Variants in PPFIA2 observed in about 807,000 individuals in gnomAD.
The protein encoded by PPFIA2 is PPFI scaffold protein A2, also known as liprin-alpha-2.
In PPFIA2, 46 loss-of-function variants were observed where a neutral mutation model predicts 175.5. The ratio of observed to expected loss-of-function variants is 0.26; its 90% CI spans 0.21 to 0.34. The LOEUF (loss-of-function observed/expected upper bound fraction) is 0.34. PPFIA2 is among the 10% of genes least tolerant of loss of function. The pLI is 1.00. For synonymous variants in PPFIA2, 568 were observed against 511.4 expected, an observed-to-expected ratio of 1.11 and a Z score of -1.49; for missense variants, 1,179 against 1,506.1, an observed-to-expected ratio of 0.78 and a Z score of 3.60.
At chr12:81,650,337 G>T (rs1280331070) in intron 4 of PPFIA2, among the ~76,000 whole-genome samples, 1 of 151,794 alleles carries the variant, frequency 6.6e-6, no homozygotes, top group African/African-American at 2.4e-5. Context: ...AATGTGGATT[G>T]TACTCTTTCT....
At chr12:81,269,411 T>C (rs2038401721) in intron 28 of PPFIA2, among the ~76,000 whole-genome samples, 1 of 152,236 alleles carries the variant, frequency 6.6e-6, no homozygotes, top group African/African-American at 2.4e-5. Flanking sequence ...TAAAAATCTT[T>C]CAGGAAATAT....
At chr12:81,573,781 G>A (rs944458630) in intron 4 of PPFIA2, among the ~76,000 whole-genome samples, 4 of 151,794 alleles carry the variant, frequency 2.6e-5, no homozygotes, top group Admixed American at 2.0e-4. Context: ...GTTAATCCTA[G>A]TCCTCAATGA....
intron 21 of PPFIA2, among the ~76,000 whole-genome samples, chr12:81,330,911 T>C (rs956687151): frequency 6.6e-5 from 10 of 152,238 alleles, no homozygotes; most frequent in African/African-American, 2.4e-4. Context: ...AAAGGGTATG[T>C]AACAAATACA....
chr12:81,642,393 C>T (rs963141493), intron 4 of PPFIA2, among the ~76,000 whole-genome samples: 2 of 151,346 alleles, frequency 1.3e-5, no homozygotes, highest in Non-Finnish European at 3.0e-5. Flanking sequence ...TATCACCCTC[C>T]TATGTTCCTA....
At position 81,705,521 on chromosome 12, in the gene PPFIA2, A is replaced by G. The variant is rs1229794568; in HGVS notation, c.250-28677T>C. ...TACAGTACCTACTCACAGAGTGTCC[A>G]TAGTCCAGTTGGAGGGAGAAGGAAG... On this transcript the variant is annotated intron_variant, in intron 3 of 32. Coordinates refer to ENST00000549396, the MANE Select transcript of PPFIA2 (RefSeq NM_003625.5). Among the ~76,000 whole-genome samples, 4 of 152,018 alleles carry G rather than the reference A, an allele frequency of 2.6e-5. No individual in the cohort carries two copies. In the East Asian group the frequency reaches 5.8e-4, roughly 22 times the overall value.
intron 3 of PPFIA2, among the ~76,000 whole-genome samples, chr12:81,727,162 T>A (rs1264590442): frequency 6.6e-6 from 1 of 151,368 alleles, no homozygotes; most frequent in Non-Finnish European, 1.5e-5. Flanking sequence ...TCTGGGTTCC[T>A]TCCATACATT....
chr12:81,359,993 C>T (rs1347048299), intron 15 of PPFIA2, among the ~76,000 whole-genome samples: 3 of 151,836 alleles, frequency 2.0e-5, no homozygotes, highest in Admixed American at 2.0e-4. Flanking sequence ...ACTTTCTTTT[C>T]ATTTCTTTGA....
chr12:81,645,373 T>A (rs556840611), intron 4 of PPFIA2, among the ~76,000 whole-genome samples: 2 of 152,274 alleles, frequency 1.3e-5, no homozygotes, highest in East Asian at 3.9e-4. Flanking sequence ...CAACTTAATG[T>A]TCAATATTTT....
chr12:81,599,606 T>C (rs574928835), intron 4 of PPFIA2, among the ~76,000 whole-genome samples: 2 of 152,130 alleles, frequency 1.3e-5, no homozygotes, highest in East Asian at 1.9e-4. Context: ...ACATTAACTA[T>C]GGGACACTTG....
chr12:81,418,414 A>C (rs1472565020), intron 7 of PPFIA2, among the ~76,000 whole-genome samples: 1 of 151,952 alleles, frequency 6.6e-6, no homozygotes, highest in African/African-American at 2.4e-5. Context: ...TGTTTTTGTC[A>C]GACCTGCAAG....
intron 4 of PPFIA2, among the ~76,000 whole-genome samples, chr12:81,660,677 A>C (rs1052072707): frequency 1.3e-5 from 2 of 152,128 alleles, no homozygotes; most frequent in African/African-American, 4.8e-5. Flanking sequence ...CCAACATTCA[A>C]ATTCAGGAAA....
chr12:81,410,025 T>C (rs1348822017), intron 7 of PPFIA2, among the ~76,000 whole-genome samples: 1 of 152,044 alleles, frequency 6.6e-6, no homozygotes, highest in Middle Eastern at 3.2e-3. Context: ...TTAGTACCAA[T>C]ATAAAAGGCC....
chr12:81,585,236 A>T (rs1303598573), intron 4 of PPFIA2, among the ~76,000 whole-genome samples: 2 of 150,158 alleles, frequency 1.3e-5, no homozygotes, highest in East Asian at 3.9e-4. Flanking sequence ...AAGGCCTAGG[A>T]CATTACTGTA....
At chr12:81,326,964 C>T (rs920815927) in intron 21 of PPFIA2, among the ~76,000 whole-genome samples, 1 of 152,048 alleles carries the variant, frequency 6.6e-6, no homozygotes, top group Non-Finnish European at 1.5e-5. Flanking sequence ...GTGGACACTT[C>T]CTTACTTAAC....
rs1284491083 is a variant in PPFIA2 at position 81,258,370 on chromosome 12, C to T, written c.*1324G>A. On this transcript the variant is annotated 3_prime_UTR_variant, in exon 33 of 33. Coordinates refer to ENST00000549396, the MANE Select transcript of PPFIA2 (RefSeq NM_003625.5). ...TAGACATCAAAACAAATGTAATGTA[C>T]GTGCAAACATAGCAAATTAAAATAC... The T allele has an allele frequency of 6.6e-6, 1 of 151,966 alleles. No homozygotes were observed. Among genetic ancestry groups the T allele is most frequent in the African/African-American group, 2.4e-5 (1 of 41,380 alleles). 9.4% of individuals were successfully genotyped at this position (151,966 alleles called of 1,614,324 possible).
chr12:81,395,748 G>T (rs2041015817), intron 8 of PPFIA2, among the ~76,000 whole-genome samples: 1 of 152,078 alleles, frequency 6.6e-6, no homozygotes, highest in East Asian at 1.9e-4. Flanking sequence ...TTACCCAGGG[G>T]ACTTAATCTG....
At chr12:81,686,719 G>C (rs2074467250) in intron 3 of PPFIA2, among the ~76,000 whole-genome samples, 1 of 151,962 alleles carries the variant, frequency 6.6e-6, no homozygotes, top group Admixed American at 6.6e-5. Context: ...ATCCAGTCTA[G>C]GTTTATGGAT....
intron 4 of PPFIA2, among the ~76,000 whole-genome samples, chr12:81,504,822 G>T (rs554723931): frequency 3.3e-5 from 5 of 152,222 alleles, no homozygotes; most frequent in African/African-American, 1.2e-4. Context: ...CCATAAAAAA[G>T]GATGAGTTCA....
intron 3 of PPFIA2, among the ~76,000 whole-genome samples, chr12:81,719,967 C>T (rs1322292595): frequency 3.3e-5 from 5 of 151,114 alleles, no homozygotes; most frequent in Admixed American, 3.3e-4. Flanking sequence ...AAATTATATC[C>T]ATTCTATCTG....
Sources: allele counts gnomAD v4.1 joint callset (sites outside exome capture counted in the v4.1 genomes callset), GRCh38; gene constraint gnomAD v4.1.1; transcripts MANE v1.5; gene names NCBI Gene and HGNC (gene_info 2026-07-23, HGNC 2026-07-21).